The following GAD2 variants were observed in gnomAD, a reference collection of about 807,000 sequenced individuals.
GAD2 encodes glutamate decarboxylase 2.
A neutral mutation model predicts 80.1 loss-of-function variants in GAD2; 22 were observed. The ratio of observed to expected loss-of-function variants is 0.27; its 90% confidence interval spans 0.20 to 0.39. GAD2 has a LOEUF of 0.39. Ranked by LOEUF, GAD2 falls within the 10% of genes least tolerant of loss-of-function variation. The pLI, the probability that GAD2 is intolerant of heterozygous loss-of-function variation, is 1.00. For missense variants in GAD2, 624 were observed against 738.4 expected, an observed-to-expected ratio of 0.85 and a Z score of 1.80; for synonymous variants, 274 against 256.9, an observed-to-expected ratio of 1.07 and a Z score of -0.64.
At chr10:26,250,930 A>C (rs147635913) in intron 8 of GAD2, among the ~76,000 whole-genome samples, 10,087 of 127,510 alleles carry the variant, frequency 0.079, 427 homozygotes, top group Middle Eastern at 0.11. Flanking sequence ...CCCAGGCTGG[A>C]GTGCAGTGGT....
chr10:26,272,209 C>A (rs1845145357), intron 10 of GAD2, among the ~76,000 whole-genome samples: 2 of 152,314 alleles, frequency 1.3e-5, no homozygotes, highest in Admixed American at 6.5e-5. Context: ...GCTACCAGAG[C>A]CCCTTTCATT....
At chr10:26,289,182 C>G (rs1834186554) in intron 13 of GAD2, among the ~76,000 whole-genome samples, 1 of 152,112 alleles carries the variant, frequency 6.6e-6, no homozygotes, top group African/African-American at 2.4e-5. Flanking sequence ...GCAAAGCTCT[C>G]TCTCTAGCCA....
rs8190613 is a variant in GAD2, at chr10:26,223,766, A to G, written c.521-121A>G. ...ACACGTGTGTACATGTTGGATTTCT[A>G]CTTATGGATTTCCTGTTACTGACAG... is the stretch of plus-strand genomic sequence containing the variant. On this transcript the variant is annotated intron_variant, in intron 4 of 15. Coordinates refer to ENST00000376261, the MANE Select transcript of GAD2 (RefSeq NM_001134366.2). 5 of 622,070 alleles carry G rather than the reference A, an allele frequency of 8.0e-6. No homozygotes were observed. The African/African-American group carries it at 9.1e-5, about 11-fold the overall frequency. 38.5% of individuals were successfully genotyped at this position (622,070 alleles called of 1,614,324 possible). A position where few individuals can be genotyped will look rare whatever the true frequency, so the allele number is the denominator to read the frequency against.
intron 9 of GAD2, 64 bp from the exon 10 acceptor site, chr10:26,270,576 A>G: frequency 1.0e-5 from 12 of 1,168,488 alleles, no homozygotes; most frequent in Non-Finnish European, 1.5e-5. Flanking sequence ...ATTGCTTTGA[A>G]TCAGCTTTTT....
intron 8 of GAD2, among the ~76,000 whole-genome samples, chr10:26,252,896 G>A (rs543148023): frequency 7.9e-5 from 12 of 152,190 alleles, no homozygotes; most frequent in African/African-American, 2.6e-4. Context: ...GACCTCAGGT[G>A]ATCCACCCGC....
rs201811839 is a variant in GAD2, at chr10:26,216,824, C to A, written c.15C>A (p.Gly5=). Residue 5 remains glycine (G), a synonymous_variant, in exon 1 of 16, where the codon GGC becomes GGA. Transcript: ENST00000376261. This position sits in a 1 kb window ranked among gnomAD's most constrained non-coding sequence, Gnocchi z 4.7. MASP[G]SGFWSFGSED... is the part of the protein sequence containing the mutation. ...CTCCAAAGCCGATGGCATCTCCGGG[C>A]TCTGGCTTTTGGTCTTTCGGGTCGG... 6.2e-7 allele frequency: 1 copy of A among 1,612,772 alleles called. No individual in the cohort carries two copies. The highest frequency in any genetic ancestry group is 8.5e-7 in the Non-Finnish European group (1 of 1,179,536).
intron 8 of GAD2, among the ~76,000 whole-genome samples, chr10:26,249,252 G>A (rs910206745): frequency 2.6e-5 from 4 of 152,094 alleles, no homozygotes; most frequent in African/African-American, 9.7e-5. Context: ...AGTAGAGACG[G>A]GGTTTCATCA....
At chr10:26,271,913 C>A (rs1845142296) in intron 10 of GAD2, among the ~76,000 whole-genome samples, 1 of 152,110 alleles carries the variant, frequency 6.6e-6, no homozygotes, top group South Asian at 2.1e-4. Flanking sequence ...ACGTGCGCAC[C>A]CATGCCCAGC....
intron 4 of GAD2, among the ~76,000 whole-genome samples, chr10:26,221,129 G>A (rs578225628): frequency 1.2e-4 from 18 of 152,216 alleles, no homozygotes; most frequent in African/African-American, 4.3e-4. Flanking sequence ...TATTCAGCTG[G>A]CAACTTTATA....
Position 26,229,642 on chromosome 10 carries a change from C to A in GAD2, c.725-20C>A, listed in dbSNP as rs199823029. On this transcript the variant is annotated intron_variant, in intron 6 of 15. Transcript: ENST00000376261. ...AGGTTGATAATAAATAAAGTAACTGCGTGTTGCTGTGCACTTTAGGTGGCG... is the reference window on the plus strand; with the variant it reads ...AGGTTGATAATAAATAAAGTAACTGAGTGTTGCTGTGCACTTTAGGTGGCG... 2 of 1,517,952 alleles carry A rather than the reference C, an allele frequency of 1.3e-6. No individual in the cohort carries two copies. The highest frequency in any genetic ancestry group is 1.1e-5 in the South Asian group (1 of 88,130). 94.0% of individuals were successfully genotyped at this position (1,517,952 alleles called of 1,614,324 possible). A position where few individuals can be genotyped will look rare whatever the true frequency, so the allele number is the denominator to read the frequency against.
At chr10:26,226,016 C>T (rs1844517528) in intron 6 of GAD2, among the ~76,000 whole-genome samples, 1 of 152,136 alleles carries the variant, frequency 6.6e-6, no homozygotes, top group Non-Finnish European at 1.5e-5. Context: ...TTCTTCCCAC[C>T]CTTGTGTGGT....
intron 12 of GAD2, among the ~76,000 whole-genome samples, chr10:26,284,457 T>A (rs1272189025): frequency 6.6e-6 from 1 of 152,124 alleles, no homozygotes; most frequent in Non-Finnish European, 1.5e-5. Flanking sequence ...GTCTATAACT[T>A]TTTCATGGCT....
chr10:26,241,059 G>T (rs1047852166), intron 7 of GAD2, among the ~76,000 whole-genome samples: 1 of 151,876 alleles, frequency 6.6e-6, no homozygotes, highest in African/African-American at 2.4e-5. Flanking sequence ...AAAAAAAAAA[G>T]AGAGAGTGAG....
intron 8 of GAD2, among the ~76,000 whole-genome samples, chr10:26,250,824 C>T (rs1040128598): frequency 6.6e-6 from 1 of 150,542 alleles, no homozygotes; most frequent in Non-Finnish European, 1.5e-5. Flanking sequence ...ACATTGGTGT[C>T]TAAACCTTTG....
At chr10:26,280,182 C>A (rs1364435742) in intron 11 of GAD2, among the ~76,000 whole-genome samples, 1 of 152,154 alleles carries the variant, frequency 6.6e-6, no homozygotes, top group African/African-American at 2.4e-5. Flanking sequence ...CACATGGAGA[C>A]CCACGCCCTC....
chr10:26,242,081 G>A (rs1844749859), intron 7 of GAD2, among the ~76,000 whole-genome samples: 1 of 152,116 alleles, frequency 6.6e-6, no homozygotes. Context: ...CGCCTCCCTG[G>A]TTCATGCCAT....
At chr10:26,281,799 C>T (rs942299046) in intron 12 of GAD2, among the ~76,000 whole-genome samples, 6 of 152,076 alleles carry the variant, frequency 3.9e-5, no homozygotes, top group Non-Finnish European at 7.4e-5. Context: ...GACGCCAGGC[C>T]GGACTCATAG....
At chr10:26,245,354 C>T (rs947860942) in intron 7 of GAD2, among the ~76,000 whole-genome samples, 129 of 151,140 alleles carry the variant, frequency 8.5e-4, no homozygotes, top group African/African-American at 2.5e-3. Context: ...CTGCACATCC[C>T]GCATGTACCC....
intron 7 of GAD2, among the ~76,000 whole-genome samples, chr10:26,234,249 G>A (rs1157120196): frequency 4.6e-5 from 7 of 151,786 alleles, no homozygotes; most frequent in South Asian, 2.1e-4. Flanking sequence ...ACTGGAACCC[G>A]GGAGGCAGAG....
Sources: allele counts gnomAD v4.1 joint callset (sites outside exome capture counted in the v4.1 genomes callset), GRCh38; gene constraint gnomAD v4.1.1; non-coding constraint Gnocchi (gnomAD v3.1); transcripts MANE v1.5; gene names NCBI Gene and HGNC (gene_info 2026-07-23, HGNC 2026-07-21).